Variants in TRIM29 observed in about 807,000 individuals in gnomAD.
TRIM29 encodes the protein tripartite motif containing 29, also known as tripartite motif-containing protein 29.
A neutral mutation model predicts 57.3 loss-of-function variants in TRIM29; 52 were observed. The observed-to-expected ratio is 0.91, with a 90% confidence interval of 0.73 to 1.14. The LOEUF is 1.14. TRIM29 is among the 50% of genes most tolerant of loss of function. The pLI, the probability that TRIM29 is intolerant of heterozygous loss-of-function variation, is 0.00. For missense variants in TRIM29, 753 were observed against 774.6 expected, an observed-to-expected ratio of 0.97 and a Z score of 0.33; for synonymous variants, 319 against 316.9, an observed-to-expected ratio of 1.01 and a Z score of -0.07.
Position 120,137,672 on chromosome 11 carries a change from G to A in TRIM29, c.360C>T (p.Thr120=). ...TGCGCAGCTCGCCCTTTTCGGCAAA[G>A]GTAACGGGTGGCTTCTTGGCAGCCC... ...QLGAAKKPPV[T]FAEKGELRKS... The change falls in exon 1 of 9, where the codon ACC becomes ACT. Residue 120 remains threonine (T), a synonymous_variant. Coordinates refer to ENST00000341846, the MANE Select transcript of TRIM29 (RefSeq NM_012101.4). This position sits in a 1 kb window ranked among gnomAD's most constrained non-coding sequence, Gnocchi z 6.2. 1.2e-6 allele frequency: 2 copies of A among 1,613,648 alleles called. No homozygotes were observed. Among genetic ancestry groups the A allele is most frequent in the South Asian group, 2.2e-5 (2 of 91,072 alleles).
At chr11:120,125,454 A>C in intron 4 of TRIM29, 1 of 536,168 alleles carries the variant, frequency 1.9e-6, no homozygotes, top group Non-Finnish European at 3.3e-6. Flanking sequence ...GCCAGTGCCC[A>C]GGATGTCCCT....
At chr11:120,128,603 T>C (rs751175323) in intron 1 of TRIM29, 108 bp from the exon 2 acceptor site, 2 of 1,503,762 alleles carry the variant, frequency 1.3e-6, no homozygotes, top group South Asian at 2.4e-5. Context: ...CCAGGGCTCA[T>C]CACTCATCTA....
intron 6 of TRIM29, 33 bp downstream of exon 6, chr11:120,120,540 C>T: frequency 6.3e-7 from 1 of 1,594,742 alleles, no homozygotes; most frequent in Non-Finnish European, 8.6e-7. Flanking sequence ...CCCACATGAA[C>T]TCTGTGCACC....
chr11:120,136,527 TG>T (rs1282046753), intron 1 of TRIM29, among the ~76,000 whole-genome samples: 45 of 152,308 alleles, frequency 3.0e-4, no homozygotes, highest in African/African-American at 1.1e-3. Flanking sequence ...TGCAGGAATA[TG>T]TGTGTCCACA....
At chr11:120,117,994 G>C in intron 7 of TRIM29, 1 of 566,088 alleles carries the variant, frequency 1.8e-6, no homozygotes, top group Non-Finnish European at 3.2e-6. Flanking sequence ...TGTAGTTAGA[G>C]ACTAGAGAGC....
intron 1 of TRIM29, among the ~76,000 whole-genome samples, chr11:120,134,887 T>TA (rs1331546742): frequency 1.3e-5 from 2 of 152,180 alleles, no homozygotes; most frequent in Non-Finnish European, 2.9e-5. Flanking sequence ...AGGGGGTGGC[T>TA]AATACTCTGT....
chr11:120,126,540 A>T (rs1485100394), intron 3 of TRIM29, among the ~76,000 whole-genome samples: 1 of 152,126 alleles, frequency 6.6e-6, no homozygotes, highest in Non-Finnish European at 1.5e-5. Flanking sequence ...CACCATGCCC[A>T]GCCCACAGTG....
chr11:120,132,107 G>T (rs931693309), intron 1 of TRIM29, among the ~76,000 whole-genome samples: 1 of 151,620 alleles, frequency 6.6e-6, no homozygotes, highest in Non-Finnish European at 1.5e-5. Context: ...GCTGTCCTGT[G>T]TGTCTTCTGT....
At position 120,115,309 on chromosome 11, in the gene TRIM29, C is replaced by T. The variant is rs201055580; in HGVS notation, c.1704+29G>A. 2.8e-3 allele frequency: 4,425 copies of T among 1,606,610 alleles called. 19 individuals carry two copies. The highest frequency in any genetic ancestry group is 4.8e-3 in the South Asian group (429 of 89,508). ...TCAGTGCCCAGGTCTCTGGATGTGCCCAGGCCCTCCCGGCAGCACTTCCCT... is the reference window on the plus strand; with the variant it reads ...TCAGTGCCCAGGTCTCTGGATGTGCTCAGGCCCTCCCGGCAGCACTTCCCT... On this transcript the variant is annotated intron_variant, in intron 8 of 8. Coordinates refer to ENST00000341846, the MANE Select transcript of TRIM29 (RefSeq NM_012101.4).
At position 120,138,087 on chromosome 11, in the gene TRIM29, T is replaced by A. The variant is rs965728097; in HGVS notation, c.-56A>T. The stretch of plus-strand genomic sequence containing the variant: ...TTGCTGGGGTTCAGGATAGGTGACC[T>A]TTCTGGCAGGCGTCTCGGCAGGGAG... On this transcript the variant is annotated 5_prime_UTR_variant, in exon 1 of 9. It adds an upstream start codon to the 5' untranslated region. Transcript: ENST00000341846. The A allele has an allele frequency of 3.3e-6, 5 of 1,496,260 alleles. No individual in the cohort carries two copies. Among genetic ancestry groups the A allele is most frequent in the Non-Finnish European group, 4.4e-6 (5 of 1,128,632 alleles). 92.7% of individuals were successfully genotyped at this position (1,496,260 alleles called of 1,614,324 possible).
intron 4 of TRIM29, 142 bp from the exon 5 acceptor site, chr11:120,123,197 A>G: frequency 2.7e-6 from 2 of 728,364 alleles, no homozygotes; most frequent in Non-Finnish European, 4.9e-6. Context: ...AACCTCTCAG[A>G]GAATATGACG....
chr11:120,119,598 A>T (rs1863383196), intron 6 of TRIM29, among the ~76,000 whole-genome samples: 1 of 152,172 alleles, frequency 6.6e-6, no homozygotes, highest in African/African-American at 2.4e-5. Flanking sequence ...AACAGGACAG[A>T]CACAGCTCTG....
chr11:120,128,751 T>C, intron 1 of TRIM29: 1 of 1,535,348 alleles, frequency 6.5e-7, no homozygotes, highest in South Asian at 1.2e-5. Context: ...CCTAGCCATG[T>C]CTTTTTAAGG....
At chr11:120,136,069 T>G (rs1591332424) in intron 1 of TRIM29, among the ~76,000 whole-genome samples, 1 of 152,118 alleles carries the variant, frequency 6.6e-6, no homozygotes, top group Non-Finnish European at 1.5e-5. Context: ...ACAGGCACAG[T>G]CACATAGAAC....
chr11:120,112,659 A>G (rs1863163841), intron 8 of TRIM29, among the ~76,000 whole-genome samples, 183 bp from the exon 9 acceptor site: 1 of 152,206 alleles, frequency 6.6e-6, no homozygotes, highest in Non-Finnish European at 1.5e-5. Flanking sequence ...CCCTAATGTC[A>G]GGATCTCCAG....
chr11:120,132,459 C>A (rs1292772675), intron 1 of TRIM29, among the ~76,000 whole-genome samples: 1 of 152,238 alleles, frequency 6.6e-6, no homozygotes, highest in Non-Finnish European at 1.5e-5. Flanking sequence ...CTGTTTGCCT[C>A]TTGCTCTCTG....
chr11:120,121,799 C>G (rs1196416291), intron 5 of TRIM29: 3 of 337,486 alleles, frequency 8.9e-6, no homozygotes, highest in Non-Finnish European at 1.8e-5. Flanking sequence ...CCCGCAGGAG[C>G]CTGTCAGGGC....
Position 120,123,650 on chromosome 11 carries a change from T to G in TRIM29, c.1334-595A>C, listed in dbSNP as rs1863515786. On this transcript the variant is annotated intron_variant, in intron 4 of 8. Transcript: ENST00000341846. ...GCAGACCCCCTAACTCAAACAGATC[T>G]GCTGCTCGACACTTGACTTCCCTCA... The G allele has an allele frequency of 8.5e-6, 3 of 354,902 alleles. 1 individual carries two copies. Among genetic ancestry groups the G allele is most frequent in the South Asian group, 6.3e-5 (3 of 47,408 alleles). 22.0% of individuals were successfully genotyped at this position (354,902 alleles called of 1,614,324 possible).
chr11:120,120,845 TAGA>T (rs1220950042), intron 5 of TRIM29, 180 bp from the exon 6 acceptor site: 8 of 694,008 alleles, frequency 1.2e-5, no homozygotes, highest in East Asian at 1.1e-4. Flanking sequence ...CTTTTGAGAG[TAGA>T]AGGACTCTGT....
Sources: allele counts gnomAD v4.1 joint callset (sites outside exome capture counted in the v4.1 genomes callset), GRCh38; gene constraint gnomAD v4.1.1; non-coding constraint Gnocchi (gnomAD v3.1); transcripts MANE v1.5; gene names NCBI Gene and HGNC (gene_info 2026-07-23, HGNC 2026-07-21).